The following TG variants were observed in gnomAD, a reference collection of about 807,000 sequenced individuals.
TG encodes thyroid hormones.
A neutral mutation model predicts 324.7 loss-of-function variants in TG; 270 were observed. The observed-to-expected ratio is 0.83, with a 90% confidence interval of 0.75 to 0.92. The LOEUF is 0.92. Ranked by LOEUF, TG falls within the 40% of genes least tolerant of loss-of-function variation. The pLI is 0.00. For missense variants in TG, 3,591 were observed against 3,456.4 expected (o/e 1.04, Z -0.98); for synonymous variants, 1,401 against 1,327.0 (o/e 1.06, Z -1.21).
intron 41 of TG, among the ~76,000 whole-genome samples, chr8:133,061,639 C>T (rs756391632): frequency 8.5e-5 from 13 of 152,200 alleles, no homozygotes; most frequent in South Asian, 2.1e-4. Context: ...AGAGAAGAGA[C>T]GGAACAGGGT....
intron 43 of TG, among the ~76,000 whole-genome samples, chr8:133,111,466 A>G (rs1850243691): frequency 6.6e-6 from 1 of 152,224 alleles, no homozygotes; most frequent in Non-Finnish European, 1.5e-5. Context: ...TCATTTTTGT[A>G]ATGAAATATT....
intron 41 of TG, among the ~76,000 whole-genome samples, chr8:133,071,193 T>C (rs543170887): frequency 6.6e-6 from 1 of 152,182 alleles, no homozygotes; most frequent in Non-Finnish European, 1.5e-5. Flanking sequence ...GTGTCCTAGG[T>C]GTGTTACATG....
At chr8:132,918,144 C>T (rs1179428159) in intron 20 of TG, among the ~76,000 whole-genome samples, 11 of 151,976 alleles carry the variant, frequency 7.2e-5, no homozygotes, top group African/African-American at 1.5e-4. Flanking sequence ...ACGTCAGAGA[C>T]GGAGAGAACC....
chr8:133,125,561 A>C (rs1402266069), intron 45 of TG, among the ~76,000 whole-genome samples: 1 of 152,242 alleles, frequency 6.6e-6, no homozygotes, highest in Non-Finnish European at 1.5e-5. Context: ...GGAGATCAGC[A>C]GGTCTTTGGA....
At chr8:133,049,279 A>G (rs1238871740) in intron 41 of TG, 3 of 407,564 alleles carry the variant, frequency 7.4e-6, no homozygotes, top group Non-Finnish European at 1.5e-5. Context: ...AGGAAGGCAC[A>G]TAAGCATTTT....
chr8:132,974,631 A>G (rs1250902171), intron 34 of TG, among the ~76,000 whole-genome samples: 1 of 152,206 alleles, frequency 6.6e-6, no homozygotes, highest in Non-Finnish European at 1.5e-5. Context: ...ACTAGACAGG[A>G]AAATGTCTAG....
intron 43 of TG, among the ~76,000 whole-genome samples, chr8:133,110,294 C>T (rs768545373): frequency 6.6e-6 from 1 of 152,148 alleles, no homozygotes; most frequent in Non-Finnish European, 1.5e-5. Flanking sequence ...ACTTGGCCCT[C>T]GAATTTGGCA....
intron 35 of TG, among the ~76,000 whole-genome samples, chr8:132,996,959 G>T (rs1832942568): frequency 1.3e-5 from 2 of 152,132 alleles, no homozygotes; most frequent in Admixed American, 1.3e-4. Context: ...GGAGAGGTAG[G>T]CAAGAAGGCA....
chr8:132,968,068 T>C, intron 31 of TG, 98 bp downstream of exon 31: 6 of 1,408,600 alleles, frequency 4.3e-6, no homozygotes, highest in Non-Finnish European at 5.8e-6. Context: ...TTAAAAAACA[T>C]TTTCTTTATA....
intron 41 of TG, chr8:133,050,843 C>T (rs572664813): frequency 1.7e-5 from 27 of 1,612,794 alleles, no homozygotes; most frequent in East Asian, 4.5e-5. Context: ...TTTCTCCCCT[C>T]GGCGGAATAT....
At chr8:132,999,995 T>A (rs1833295371) in intron 35 of TG, among the ~76,000 whole-genome samples, 1 of 152,174 alleles carries the variant, frequency 6.6e-6, no homozygotes, top group Admixed American at 6.5e-5. Flanking sequence ...AACTGTAACA[T>A]CACTACTATT....
Position 133,061,951 on chromosome 8 carries a change from C to T in TG, c.7239+31928C>T, listed in dbSNP as rs3758110. On this transcript the variant is annotated intron_variant, in intron 41 of 47. Coordinates refer to ENST00000220616, the MANE Select transcript of TG (RefSeq NM_003235.5). Reference sequence around the variant, plus strand: ...CCAAAATGAGAGTTGTTTAAAAGTCCGTATATCTTAGACATTTACATGAAC... The same window carrying T: ...CCAAAATGAGAGTTGTTTAAAAGTCTGTATATCTTAGACATTTACATGAAC... Among the ~76,000 whole-genome samples, 86 of 152,250 alleles carry T rather than the reference C, an allele frequency of 5.6e-4. No individual in the cohort carries two copies. The East Asian group carries it at 0.016, about 29-fold the overall frequency.
At chr8:133,050,836 C>A in intron 41 of TG, 3 of 1,610,898 alleles carry the variant, frequency 1.9e-6, no homozygotes, top group Non-Finnish European at 2.5e-6. Flanking sequence ...CACGCAGTTT[C>A]TCCCCTCGGC....
intron 27 of TG, among the ~76,000 whole-genome samples, chr8:132,952,550 T>C (rs1463237466): frequency 6.6e-6 from 1 of 152,168 alleles, no homozygotes; most frequent in Non-Finnish European, 1.5e-5. Context: ...CCTGCTTTCG[T>C]TGATCAATTC....
At chr8:133,028,920 G>A (rs968804471) in intron 40 of TG, among the ~76,000 whole-genome samples, 2 of 152,184 alleles carry the variant, frequency 1.3e-5, no homozygotes, top group African/African-American at 4.8e-5. Context: ...GAAACGTGAG[G>A]GGTCTGGAGC....
At chr8:133,058,264 G>A (rs1252615004) in intron 41 of TG, among the ~76,000 whole-genome samples, 1 of 152,130 alleles carries the variant, frequency 6.6e-6, no homozygotes, top group Non-Finnish European at 1.5e-5. Context: ...TGAAAAAGCA[G>A]CCCACCAGCG....
chr8:132,995,041 G>A (rs753149761), intron 35 of TG: 58 of 958,896 alleles, frequency 6.0e-5, no homozygotes, highest in Non-Finnish European at 6.8e-5. Context: ...TTTCCCTTCT[G>A]CTTTTGTGAG....
Position 133,029,955 on chromosome 8 carries a change from G to A in TG, c.7171G>A (p.Val2391Met). The change falls in exon 41 of 48, where the codon GTG becomes ATG. Residue 2391 changes from valine to methionine, a missense_variant. Val to Met is a conservative substitution (Grantham distance 21). Coordinates refer to ENST00000220616, the MANE Select transcript of TG (RefSeq NM_003235.5). ...SLAADRGGAD[V>M]ASIHLLTARA... The stretch of plus-strand genomic sequence containing the variant: ...GGCAGCAGACCGTGGCGGGGCTGAT[G>A]TGGCCAGCATCCACCTTCTCACGGC... The A allele has an allele frequency of 6.2e-7, 1 of 1,614,234 alleles. No individual in the cohort carries two copies. Among genetic ancestry groups the A allele is most frequent in the South Asian group, 1.1e-5 (1 of 91,088 alleles).
chr8:132,964,260 C>T (rs924863651), intron 29 of TG, among the ~76,000 whole-genome samples: 1 of 152,062 alleles, frequency 6.6e-6, no homozygotes, highest in African/African-American at 2.4e-5. Flanking sequence ...CTCCCCCTGC[C>T]CCCTGCTTTC....
Sources: gnomAD v4.1 joint callset for allele counts (sites outside exome capture counted in the v4.1 genomes callset) on GRCh38, gnomAD v4.1.1 for gene constraint, MANE v1.5 for transcripts, NCBI Gene and HGNC (gene_info 2026-07-23, HGNC 2026-07-21) for gene names.